The following TBCD variants were observed in gnomAD, a reference collection of about 807,000 sequenced individuals.
TBCD encodes tubulin folding cofactor D.
Under a neutral mutation model 169.3 loss-of-function variants are expected in TBCD, and 105 were observed. The ratio of observed to expected loss-of-function variants is 0.62; its 90% CI spans 0.53 to 0.73. The LOEUF is 0.73. Among genes scored for constraint, TBCD ranks in the 30% least tolerant of loss-of-function variants. The pLI is 0.00. For missense variants in TBCD, 1,444 were observed against 1,600.1 expected (o/e 0.90, Z 1.66); for synonymous variants, 700 against 643.9 (o/e 1.09, Z -1.32).
At chr17:82,934,837 G>A (rs923776347) in intron 34 of TBCD, among the ~76,000 whole-genome samples, 2 of 151,874 alleles carry the variant, frequency 1.3e-5, no homozygotes, top group East Asian at 1.9e-4. Flanking sequence ...CATGGCTCAC[G>A]CCTGTAATCC....
chr17:82,776,516 T>A (rs1401714656), intron 6 of TBCD, among the ~76,000 whole-genome samples: 6 of 152,206 alleles, frequency 3.9e-5, no homozygotes, highest in Non-Finnish European at 7.3e-5. Context: ...GTTATGACTT[T>A]TAATGTGCAC....
intron 13 of TBCD, among the ~76,000 whole-genome samples, chr17:82,868,225 C>T (rs2057315444): frequency 6.6e-6 from 1 of 152,190 alleles, no homozygotes; most frequent in Admixed American, 6.5e-5. Context: ...GCGGGGGCAC[C>T]ACACCGGAGG....
At chr17:82,855,827 G>A (rs2056225505) in intron 13 of TBCD, among the ~76,000 whole-genome samples, 1 of 151,036 alleles carries the variant, frequency 6.6e-6, no homozygotes, top group Non-Finnish European at 1.5e-5. Flanking sequence ...GCACCTGCCA[G>A]GCTGTTTTCT....
intron 23 of TBCD, among the ~76,000 whole-genome samples, 165 bp downstream of exon 23, chr17:82,911,954 G>C (rs966920114): frequency 8.5e-5 from 13 of 152,216 alleles, no homozygotes; most frequent in Admixed American, 1.3e-4. Context: ...TTGTCCAGTG[G>C]TTCCTACGAG....
chr17:82,936,999 G>A (rs972679759), intron 34 of TBCD, among the ~76,000 whole-genome samples: 5 of 152,212 alleles, frequency 3.3e-5, no homozygotes, highest in Admixed American at 1.3e-4. Context: ...GGAAAGGGAG[G>A]TGGGGCCCCG....
At chr17:82,804,297 G>T (rs576350777) in intron 9 of TBCD, among the ~76,000 whole-genome samples, 1 of 152,154 alleles carries the variant, frequency 6.6e-6, no homozygotes, top group Non-Finnish European at 1.5e-5. Flanking sequence ...AGTGTACCCC[G>T]AAATTTAGCA....
intron 30 of TBCD, 126 bp downstream of exon 30, chr17:82,928,114 G>C: frequency 1.2e-6 from 1 of 813,714 alleles, no homozygotes; most frequent in Non-Finnish European, 2.0e-6. Context: ...TCCTCCCAGA[G>C]AGCCTCTCTG....
intron 37 of TBCD, among the ~76,000 whole-genome samples, chr17:82,939,950 G>A (rs1001962080): frequency 3.3e-5 from 5 of 152,216 alleles, no homozygotes; most frequent in Non-Finnish European, 5.9e-5. Context: ...CCCTCAGGAG[G>A]CCATAGTGCC....
intron 13 of TBCD, among the ~76,000 whole-genome samples, chr17:82,834,125 T>G (rs976493122): frequency 7.2e-5 from 11 of 152,294 alleles, no homozygotes; most frequent in African/African-American, 2.2e-4. Context: ...TTTTTGTATT[T>G]TTAGTAGAGA....
At chr17:82,941,590 C>T (rs1043788603) in intron 38 of TBCD, 107 bp downstream of exon 38, 70 of 979,034 alleles carry the variant, frequency 7.1e-5, no homozygotes, top group Non-Finnish European at 9.1e-5. Context: ...CCACACGGCC[C>T]GTTCCCTCGT....
chr17:82,754,906 A>G (rs2047320763), intron 1 of TBCD, among the ~76,000 whole-genome samples: 1 of 152,222 alleles, frequency 6.6e-6, no homozygotes, highest in South Asian at 2.1e-4. Flanking sequence ...GTGCCTGGAT[A>G]TGTCAACCAA....
At chr17:82,912,407 T>C (rs184425787) in intron 23 of TBCD, among the ~76,000 whole-genome samples, 2,226 of 152,294 alleles carry the variant, frequency 0.015, 54 homozygotes, top group African/African-American at 0.052. Context: ...GAACACATTT[T>C]AGACTGTTCC....
At position 82,882,144 on chromosome 17, in the gene TBCD, C is replaced by T. The variant is rs145628940; in HGVS notation, c.1476-2001C>T. Among the ~76,000 whole-genome samples the T allele has an allele frequency of 6.3e-3, 956 of 152,354 alleles. 4 individuals carry two copies. The highest frequency in any genetic ancestry group is 7.8e-3 in the Non-Finnish European group (529 of 68,028). ...TCTCCGAGGAAGTGCAGAGTCCAGCCGCAGGGAGGACTTTCTCAACCGGCC... is the reference window on the plus strand; with the variant it reads ...TCTCCGAGGAAGTGCAGAGTCCAGCTGCAGGGAGGACTTTCTCAACCGGCC... On this transcript the variant is annotated intron_variant, in intron 14 of 38. Coordinates refer to ENST00000355528, the MANE Select transcript of TBCD (RefSeq NM_005993.5).
intron 26 of TBCD, among the ~76,000 whole-genome samples, chr17:82,924,400 C>T (rs1039797169): frequency 1.3e-5 from 2 of 152,264 alleles, no homozygotes; most frequent in Non-Finnish European, 2.9e-5. Flanking sequence ...TGTGCCGCCT[C>T]ACTGTACATC....
Position 82,920,110 on chromosome 17 carries a change from G to A in TBCD, c.2039-446G>A, listed in dbSNP as rs2061327174. ...GTTTCTGGTCATGGAGAGTGTGAGT[G>A]ACGAGCTATGTGGGGAAGTGACAGG... On this transcript the variant is annotated intron_variant, in intron 23 of 38. Transcript: ENST00000355528. This position sits in a 1 kb window ranked among gnomAD's most constrained non-coding sequence, Gnocchi z 4.1. Among the ~76,000 whole-genome samples, 1 of 152,194 alleles carries A rather than the reference G, an allele frequency of 6.6e-6. No homozygotes were observed.
intron 23 of TBCD, among the ~76,000 whole-genome samples, chr17:82,917,288 G>A (rs1252430534): frequency 6.6e-6 from 1 of 152,188 alleles, no homozygotes; most frequent in East Asian, 1.9e-4. Flanking sequence ...AAAGTGCTGG[G>A]ATTACAGGAA....
chr17:82,914,323 A>G (rs2060875676), intron 23 of TBCD, among the ~76,000 whole-genome samples: 1 of 145,854 alleles, frequency 6.9e-6, no homozygotes, highest in African/African-American at 2.5e-5. Flanking sequence ...TCTACCCCCA[A>G]CTCCAGCTTT....
intron 23 of TBCD, among the ~76,000 whole-genome samples, chr17:82,914,535 A>G (rs1024833292): frequency 6.6e-6 from 1 of 152,066 alleles, no homozygotes; most frequent in African/African-American, 2.4e-5. Context: ...ACTCCCTCAC[A>G]CCGCTGAGTG....
At chr17:82,875,838 C>T (rs892990462) in intron 14 of TBCD, among the ~76,000 whole-genome samples, 1 of 152,202 alleles carries the variant, frequency 6.6e-6, no homozygotes, top group Admixed American at 6.5e-5. Context: ...ATCCTGCCTC[C>T]ACGTCAGCTC....
Sources: allele counts gnomAD v4.1 joint callset (sites outside exome capture counted in the v4.1 genomes callset), GRCh38; gene constraint gnomAD v4.1.1; non-coding constraint Gnocchi (gnomAD v3.1); transcripts MANE v1.5; gene names NCBI Gene and HGNC (gene_info 2026-07-23, HGNC 2026-07-21).